EXOC4: variants seen among roughly 807,000 people sequenced by gnomAD.
The protein encoded by EXOC4 is SEC8-like 1.
A neutral mutation model predicts 107.2 loss-of-function variants in EXOC4; 71 were observed. The ratio of observed to expected loss-of-function variants is 0.66; its 90% CI spans 0.55 to 0.81. EXOC4 has a LOEUF of 0.81. Ranked by LOEUF, EXOC4 falls within the 30% of genes least tolerant of loss-of-function variation. EXOC4 has a pLI of 0.00. For missense variants in EXOC4, 1,108 were observed against 1,189.6 expected, an observed-to-expected ratio of 0.93 and a Z score of 1.01; for synonymous variants, 456 against 441.2, an observed-to-expected ratio of 1.03 and a Z score of -0.42.
chr7:133,389,444 G>A (rs1056267936), intron 7 of EXOC4, among the ~76,000 whole-genome samples: 5 of 151,762 alleles, frequency 3.3e-5, no homozygotes, highest in Admixed American at 2.6e-4. Context: ...GTGGTGGTGG[G>A]TGCCTGTAAT....
chr7:133,840,462 A>T (rs1798002436), intron 11 of EXOC4, among the ~76,000 whole-genome samples: 1 of 150,280 alleles, frequency 6.7e-6, no homozygotes, highest in African/African-American at 2.5e-5. Context: ...ACTTGGGATA[A>T]TGGAAAGTTT....
intron 10 of EXOC4, among the ~76,000 whole-genome samples, chr7:133,701,939 G>A (rs1262107889): frequency 6.9e-6 from 1 of 145,142 alleles, no homozygotes; most frequent in African/African-American, 2.6e-5. Flanking sequence ...ATCTGTGGTT[G>A]TTTGGAATCA....
chr7:133,358,503 A>G (rs1796072113), intron 6 of EXOC4, among the ~76,000 whole-genome samples: 1 of 152,174 alleles, frequency 6.6e-6, no homozygotes, highest in Non-Finnish European at 1.5e-5. Flanking sequence ...GATCCAGAGA[A>G]GCTGGAGAAT....
intron 7 of EXOC4, among the ~76,000 whole-genome samples, chr7:133,456,872 A>C (rs1254611867): frequency 1.3e-5 from 2 of 152,218 alleles, no homozygotes; most frequent in African/African-American, 4.8e-5. Context: ...TAGAATTTGA[A>C]GAACACAGAT....
chr7:134,029,683 C>T (rs1348442470), intron 17 of EXOC4, among the ~76,000 whole-genome samples: 1 of 152,114 alleles, frequency 6.6e-6, no homozygotes, highest in Non-Finnish European at 1.5e-5. Context: ...TCACTCTCAG[C>T]TAATTTTTTA....
chr7:133,604,053 AACAC>A (rs1801873749), intron 9 of EXOC4, among the ~76,000 whole-genome samples: 1 of 151,948 alleles, frequency 6.6e-6, no homozygotes, highest in African/African-American at 2.4e-5. Context: ...CTAGGATATA[AACAC>A]ACACATGAGC....
intron 12 of EXOC4, among the ~76,000 whole-genome samples, chr7:133,917,183 A>G (rs1391349420): frequency 1.3e-5 from 2 of 152,216 alleles, no homozygotes; most frequent in Non-Finnish European, 2.9e-5. Flanking sequence ...CTTTTGTAAC[A>G]CTTCCGTCAC....
At chr7:133,519,727 G>A (rs995373485) in intron 9 of EXOC4, among the ~76,000 whole-genome samples, 3 of 152,176 alleles carry the variant, frequency 2.0e-5, no homozygotes, top group African/African-American at 7.2e-5. Context: ...TAGAGAAGTT[G>A]AGCATTTGTC....
chr7:133,716,004 C>A (rs1490911463), intron 10 of EXOC4, among the ~76,000 whole-genome samples: 1 of 152,184 alleles, frequency 6.6e-6, no homozygotes, highest in Admixed American at 6.5e-5. Context: ...GCAGTTAACT[C>A]TGCTGGAGAA....
At chr7:133,866,619 G>C (rs1798646040) in intron 11 of EXOC4, among the ~76,000 whole-genome samples, 1 of 152,118 alleles carries the variant, frequency 6.6e-6, no homozygotes, top group Non-Finnish European at 1.5e-5. Context: ...GCTCTAACAA[G>C]TACCTTTTAA....
At chr7:133,741,240 C>G (rs1479826113) in intron 10 of EXOC4, among the ~76,000 whole-genome samples, 2 of 152,172 alleles carry the variant, frequency 1.3e-5, no homozygotes, top group Non-Finnish European at 2.9e-5. Context: ...GTTCTTGCCT[C>G]TAAACACAGG....
At chr7:133,727,931 G>A (rs1342105389) in intron 10 of EXOC4, among the ~76,000 whole-genome samples, 1 of 152,136 alleles carries the variant, frequency 6.6e-6, no homozygotes, top group Non-Finnish European at 1.5e-5. Context: ...TAACTTTTAT[G>A]TTTTAAGTTA....
At chr7:133,873,518 G>C (rs751533390) in intron 11 of EXOC4, among the ~76,000 whole-genome samples, 1 of 152,128 alleles carries the variant, frequency 6.6e-6, no homozygotes, top group Non-Finnish European at 1.5e-5. Context: ...TAAGTGTGAA[G>C]ATGTTAAGTT....
intron 10 of EXOC4, among the ~76,000 whole-genome samples, chr7:133,778,170 A>G (rs557295216): frequency 6.6e-6 from 1 of 152,224 alleles, no homozygotes; most frequent in Non-Finnish European, 1.5e-5. Flanking sequence ...CCAAGTTGCC[A>G]TCCATCCTAC....
chr7:133,846,674 G>A (rs147881803), intron 11 of EXOC4, among the ~76,000 whole-genome samples: 1,907 of 152,302 alleles, frequency 0.013, 24 homozygotes, highest in Non-Finnish European at 0.02. Context: ...GCAGCTATGC[G>A]GCTCTGCCTT....
At chr7:133,376,978 T>C (rs1235331175) in intron 7 of EXOC4, among the ~76,000 whole-genome samples, 3 of 152,212 alleles carry the variant, frequency 2.0e-5, no homozygotes, top group Admixed American at 6.5e-5. Flanking sequence ...ATGTCTAGCA[T>C]AGAATTATTA....
chr7:133,515,706 C>T (rs1425137817), intron 9 of EXOC4, among the ~76,000 whole-genome samples: 1 of 152,030 alleles, frequency 6.6e-6, no homozygotes, highest in African/African-American at 2.4e-5. Context: ...TGGCCTCAAG[C>T]GATTCTCCTG....
intron 9 of EXOC4, 103 bp downstream of exon 9, chr7:133,480,241 C>G: frequency 6.5e-7 from 1 of 1,542,858 alleles, no homozygotes; most frequent in South Asian, 1.2e-5. Context: ...TTCAAGGTAA[C>G]AAACACTTAG....
At chr7:133,466,114 G>A (rs1219947959) in intron 7 of EXOC4, among the ~76,000 whole-genome samples, 2 of 151,612 alleles carry the variant, frequency 1.3e-5, no homozygotes, top group Non-Finnish European at 2.9e-5. Flanking sequence ...TCCAGCCTGG[G>A]CAACAAGAGT....
Sources: gnomAD v4.1 joint callset for allele counts (sites outside exome capture counted in the v4.1 genomes callset) on GRCh38, gnomAD v4.1.1 for gene constraint, MANE v1.5 for transcripts, NCBI Gene and HGNC (gene_info 2026-07-23, HGNC 2026-07-21) for gene names.